The following SNTG1 variants were observed in gnomAD, a reference collection of about 807,000 sequenced individuals.
SNTG1 encodes the protein gamma-1-syntrophin.
SNTG1 carries 39 observed loss-of-function variants against 74.7 expected under a neutral mutation model. The ratio of observed to expected loss-of-function variants is 0.52; its 90% CI spans 0.40 to 0.68. The LOEUF (loss-of-function observed/expected upper bound fraction) is 0.68. Among genes scored for constraint, SNTG1 ranks in the 30% least tolerant of loss-of-function variants. The pLI, the probability that SNTG1 is intolerant of heterozygous loss-of-function variation, is 0.00. For missense variants in SNTG1, 685 were observed against 609.5 expected, an observed-to-expected ratio of 1.12 and a Z score of -1.30; for synonymous variants, 254 against 217.1, an observed-to-expected ratio of 1.17 and a Z score of -1.49.
chr8:50,071,878 C>A (rs1310038990), intron 1 of SNTG1, among the ~76,000 whole-genome samples: 4 of 149,836 alleles, frequency 2.7e-5, no homozygotes, highest in Non-Finnish European at 5.9e-5. Context: ...TACATTTTTG[C>A]CATCCAATAG....
chr8:50,693,532 G>T (rs1339542194), intron 15 of SNTG1, among the ~76,000 whole-genome samples: 2 of 152,110 alleles, frequency 1.3e-5, no homozygotes, highest in African/African-American at 2.4e-5. Flanking sequence ...AACAATTATA[G>T]AGGCTTCAAT....
chr8:50,000,197 T>A (rs1017191682), intron 1 of SNTG1, among the ~76,000 whole-genome samples: 6 of 152,198 alleles, frequency 3.9e-5, no homozygotes, highest in Non-Finnish European at 8.8e-5. Context: ...TTTTTCCTGC[T>A]TGTCATTGTG....
chr8:50,544,075 C>T (rs1218146393), intron 11 of SNTG1, among the ~76,000 whole-genome samples: 1 of 152,096 alleles, frequency 6.6e-6, no homozygotes, highest in Non-Finnish European at 1.5e-5. Context: ...TTTTTCTCAA[C>T]ACACGAGTTT....
At chr8:50,661,575 G>A (rs1398458879) in intron 15 of SNTG1, among the ~76,000 whole-genome samples, 1 of 152,024 alleles carries the variant, frequency 6.6e-6, no homozygotes, top group African/African-American at 2.4e-5. Context: ...GGATACATGT[G>A]CAGAACGTAC....
At chr8:50,272,865 T>C (rs1489787299) in intron 2 of SNTG1, among the ~76,000 whole-genome samples, 1 of 149,746 alleles carries the variant, frequency 6.7e-6, no homozygotes, top group Non-Finnish European at 1.5e-5. Context: ...GCCTCCTAAG[T>C]AGCTGTGACT....
chr8:50,336,037 C>A (rs972956802), intron 2 of SNTG1, among the ~76,000 whole-genome samples: 3 of 151,958 alleles, frequency 2.0e-5, no homozygotes, highest in African/African-American at 7.3e-5. Context: ...TTGATGTACA[C>A]CTGTACTTTA....
intron 5 of SNTG1, among the ~76,000 whole-genome samples, chr8:50,441,823 A>G (rs903035181): frequency 6.6e-6 from 1 of 152,200 alleles, no homozygotes; most frequent in African/African-American, 2.4e-5. Flanking sequence ...GAGTTCTGAC[A>G]TCAATTACAT....
In SNTG1 at chr8:50,296,394, A is replaced by G. The variant is rs374745646; in HGVS notation, c.-27-97818A>G. 3.5e-3 allele frequency among the ~76,000 whole-genome samples: 536 copies of G among 152,340 alleles called. 4 individuals are homozygous for G. Among genetic ancestry groups the G allele is most frequent in the African/African-American group, 0.011 (478 of 41,582 alleles). ...CCCATTAATGATAGACTGTATAAAGAAAATGTGGCACATATACACCATGGA... is the reference window on the plus strand; with the variant it reads ...CCCATTAATGATAGACTGTATAAAGGAAATGTGGCACATATACACCATGGA... On this transcript the variant is annotated intron_variant, in intron 2 of 18. Coordinates refer to ENST00000642720, the MANE Select transcript of SNTG1 (RefSeq NM_018967.5).
intron 1 of SNTG1, among the ~76,000 whole-genome samples, chr8:50,163,000 G>T (rs1472179011): frequency 2.6e-5 from 4 of 152,188 alleles, no homozygotes; most frequent in African/African-American, 9.6e-5. Context: ...GGCATCTGGT[G>T]CCATGTGGCT....
At chr8:50,547,105 A>T (rs2094393597) in intron 11 of SNTG1, among the ~76,000 whole-genome samples, 1 of 152,064 alleles carries the variant, frequency 6.6e-6, no homozygotes, top group Non-Finnish European at 1.5e-5. Context: ...TCAATGGCAA[A>T]AGTGCTCATA....
At chr8:50,546,491 C>T (rs1456272881) in intron 11 of SNTG1, among the ~76,000 whole-genome samples, 1 of 151,792 alleles carries the variant, frequency 6.6e-6, no homozygotes, top group Admixed American at 6.6e-5. Flanking sequence ...ATCAACTCGT[C>T]ATTTAGCATT....
At chr8:50,493,970 C>T (rs1212559824) in intron 8 of SNTG1, among the ~76,000 whole-genome samples, 1 of 151,474 alleles carries the variant, frequency 6.6e-6, no homozygotes, top group Non-Finnish European at 1.5e-5. Flanking sequence ...AAAGAGAGCC[C>T]TAAGTTGGAG....
At chr8:50,531,604 G>C (rs950505680) in intron 10 of SNTG1, among the ~76,000 whole-genome samples, 1 of 152,154 alleles carries the variant, frequency 6.6e-6, no homozygotes, top group Non-Finnish European at 1.5e-5. Flanking sequence ...GGTGTTGGCT[G>C]TGCCCATTCA....
chr8:50,673,305 A>G (rs1015834677), intron 15 of SNTG1, among the ~76,000 whole-genome samples: 8 of 152,186 alleles, frequency 5.3e-5, no homozygotes. Flanking sequence ...CTTCTTATCC[A>G]TGAGGATGGA....
chr8:50,783,174 C>A lies in SNTG1; in HGVS notation c.1396-9497C>A, dbSNP rs376647280. On this transcript the variant is annotated intron_variant, in intron 18 of 18. Coordinates refer to ENST00000642720, the MANE Select transcript of SNTG1 (RefSeq NM_018967.5). ...GGGACCCACTTGAGGAGGCAGTCTG[C>A]CCATTCTCAGATCTCCAGCTGCCTG... 1.4e-4 allele frequency among the ~76,000 whole-genome samples: 21 copies of A among 152,310 alleles called. No individual in the cohort carries two copies. The East Asian group carries it at 3.5e-3, about 25-fold the overall frequency.
intron 9 of SNTG1, among the ~76,000 whole-genome samples, chr8:50,521,915 C>T (rs1166236148): frequency 6.6e-6 from 1 of 152,140 alleles, no homozygotes; most frequent in East Asian, 1.9e-4. Flanking sequence ...AAGTCTTGAA[C>T]TCCTCAAAGT....
intron 2 of SNTG1, among the ~76,000 whole-genome samples, chr8:50,350,796 G>T (rs936277841): frequency 2.0e-5 from 3 of 152,182 alleles, no homozygotes; most frequent in Admixed American, 2.0e-4. Flanking sequence ...CTAGCTCAGG[G>T]ATTGTAAACG....
At chr8:50,440,505 T>C (rs2093348602) in intron 5 of SNTG1, among the ~76,000 whole-genome samples, 1 of 152,188 alleles carries the variant, frequency 6.6e-6, no homozygotes, top group African/African-American at 2.4e-5. Context: ...ACTATTTTCC[T>C]TAGATCTGAG....
At chr8:50,780,028 C>A (rs2095654075) in intron 18 of SNTG1, among the ~76,000 whole-genome samples, 1 of 152,196 alleles carries the variant, frequency 6.6e-6, no homozygotes, top group South Asian at 2.1e-4. Context: ...TATACTGAAG[C>A]AGCCTTGCAT....
Sources: allele counts gnomAD v4.1 joint callset (sites outside exome capture counted in the v4.1 genomes callset), GRCh38; gene constraint gnomAD v4.1.1; transcripts MANE v1.5; gene names NCBI Gene and HGNC (gene_info 2026-07-23, HGNC 2026-07-21).